Variants in C16orf87 observed in about 807,000 individuals in gnomAD.
C16orf87 encodes the protein UPF0547 protein C16orf87.
A neutral mutation model predicts 21.0 loss-of-function variants in C16orf87; 13 were observed. The ratio of observed to expected loss-of-function variants is 0.62; its 90% CI spans 0.40 to 0.98. The LOEUF is 0.98. C16orf87 is among the 50% of genes least tolerant of loss of function. C16orf87 has a pLI of 0.00. For missense variants in C16orf87, 113 were observed against 180.4 expected (o/e 0.63, Z 2.14); for synonymous variants, 49 against 60.2 (o/e 0.81, Z 0.86).
intron 2 of C16orf87, among the ~76,000 whole-genome samples, chr16:46,811,502 C>CAAAAAAAA (rs59450750): frequency 7.4e-6 from 1 of 134,910 alleles, no homozygotes. Context: ...AACTCCATCT[C>CAAAAAAAA]AAAAAAAAAA....
intron 2 of C16orf87, among the ~76,000 whole-genome samples, chr16:46,817,782 A>G (rs960212753): frequency 6.6e-6 from 1 of 152,096 alleles, no homozygotes; most frequent in African/African-American, 2.4e-5. Context: ...CCTAAAAACA[A>G]TCAGTCTTAA....
chr16:46,831,012 G>A (rs779888782), intron 1 of C16orf87, 72 bp downstream of exon 1: 88 of 1,261,244 alleles, frequency 7.0e-5, no homozygotes, highest in African/African-American at 2.0e-4. Context: ...GGAGCCCGGC[G>A]AGGCCCCCCT....
intron 2 of C16orf87, among the ~76,000 whole-genome samples, chr16:46,822,845 C>A (rs1050575685): frequency 3.9e-5 from 6 of 152,140 alleles, no homozygotes; most frequent in African/African-American, 1.2e-4. Context: ...CACCCCATCT[C>A]AGGGACAGTT....
At chr16:46,806,473 A>G (rs1596806179) in intron 3 of C16orf87, among the ~76,000 whole-genome samples, 1 of 151,822 alleles carries the variant, frequency 6.6e-6, no homozygotes, top group African/African-American at 2.4e-5. Context: ...GTTGGCCAGG[A>G]TGGTCTTGAT....
At chr16:46,822,100 G>T (rs1343213903) in intron 2 of C16orf87, among the ~76,000 whole-genome samples, 1 of 152,226 alleles carries the variant, frequency 6.6e-6, no homozygotes, top group East Asian at 1.9e-4. Context: ...ACCCAGGCTA[G>T]AATACAGTGG....
At position 46,803,009 on chromosome 16, in the gene C16orf87, A is replaced by G; in HGVS notation, c.408T>C (p.Phe136=). Reference sequence around the variant, plus strand: ...TATTTATTTCTGCCAAGGCGACTGAAAACACGAAAGCCTTTTCATCAGACA... The same window carrying G: ...TATTTATTTCTGCCAAGGCGACTGAGAACACGAAAGCCTTTTCATCAGACA... ...ANLSDEKAFV[F]SVALAEINRK... The change falls in exon 4 of 4, where the codon TTT becomes TTC. Residue 136 remains phenylalanine (F), a synonymous_variant. Coordinates refer to ENST00000285697, the MANE Select transcript of C16orf87 (RefSeq NM_001001436.4). The G allele has an allele frequency of 6.2e-7, 1 of 1,607,750 alleles. No homozygotes were observed. Among genetic ancestry groups the G allele is most frequent in the Non-Finnish European group, 8.5e-7 (1 of 1,175,410 alleles).
At position 46,824,399 on chromosome 16, in the gene C16orf87, T is replaced by G; in HGVS notation, c.150A>C (p.Ser50=). The G allele has an allele frequency of 6.7e-7, 1 of 1,483,130 alleles. No homozygotes were observed. The highest frequency in any genetic ancestry group is 1.8e-5 in the Admixed American group (1 of 56,714). 91.9% of individuals were successfully genotyped at this position (1,483,130 alleles called of 1,614,324 possible). A position where few individuals can be genotyped will look rare whatever the true frequency, so the allele number is the denominator to read the frequency against. ...ACTCACAGTTACCTGTAGAAGGTGG[T>G]GATTTCTCTGAGTGTTTTGCATTTA... ...KLLNAKHSEK[S]PPSTENKHEA... The change falls in exon 2 of 4, where the codon TCA becomes TCC. Residue 50 remains serine, a synonymous_variant. Transcript: ENST00000285697.
At position 46,828,031 on chromosome 16, in the gene C16orf87, T is replaced by G. The variant is rs1229383313; in HGVS notation, c.66+3053A>C. Among the ~76,000 whole-genome samples, 3 of 151,590 alleles carry G rather than the reference T, an allele frequency of 2.0e-5. No individual in the cohort carries two copies. The South Asian group carries it at 6.3e-4, about 32-fold the overall frequency. ...CTCACTGCAACCTCTGCCTCCCGGG[T>G]TCAATCACTTCTCCTGCCTCAGCCT... is the stretch of plus-strand genomic sequence containing the variant. On this transcript the variant is annotated intron_variant, in intron 1 of 3. Coordinates refer to ENST00000285697, the MANE Select transcript of C16orf87 (RefSeq NM_001001436.4).
At position 46,802,807 on chromosome 16, in the gene C16orf87, T is replaced by C; in HGVS notation, c.*145A>G. 1 of 595,596 alleles carries C rather than the reference T, an allele frequency of 1.7e-6. No individual in the cohort carries two copies. The highest frequency in any genetic ancestry group is 3.0e-6 in the Non-Finnish European group (1 of 328,502). 36.9% of individuals were successfully genotyped at this position (595,596 alleles called of 1,614,324 possible). A position where few individuals can be genotyped will look rare whatever the true frequency, so the allele number is the denominator to read the frequency against. On this transcript the variant is annotated 3_prime_UTR_variant, in exon 4 of 4. Coordinates refer to ENST00000285697, the MANE Select transcript of C16orf87 (RefSeq NM_001001436.4). ...AGCCTACACAGCTTTGCTCCCGAAG[T>C]GTGGCACAGGCTAAACGACAGGCGA... is the stretch of plus-strand genomic sequence containing the variant.
chr16:46,818,901 A>G (rs117939346), intron 2 of C16orf87, among the ~76,000 whole-genome samples: 2,576 of 152,346 alleles, frequency 0.017, 36 homozygotes, highest in Non-Finnish European at 0.024. Flanking sequence ...CACTTCAGCT[A>G]TAACAGGAAA....
chr16:46,804,528 G>A (rs1302516238), intron 3 of C16orf87, among the ~76,000 whole-genome samples: 1 of 152,162 alleles, frequency 6.6e-6, no homozygotes, highest in Non-Finnish European at 1.5e-5. Flanking sequence ...TTTCCGCTTA[G>A]AACTGTGAAG....
At chr16:46,823,522 G>C (rs915196005) in intron 2 of C16orf87, among the ~76,000 whole-genome samples, 1 of 152,094 alleles carries the variant, frequency 6.6e-6, no homozygotes, top group African/African-American at 2.4e-5. Flanking sequence ...AAAGCAACAA[G>C]TTCAAACAAA....
Position 46,796,910 on chromosome 16 carries a change from C to T in C16orf87, c.*6042G>A, listed in dbSNP as rs1307557876. 3 of 152,108 alleles carry T rather than the reference C, an allele frequency of 2.0e-5. No individual in the cohort carries two copies. The highest frequency in any genetic ancestry group is 7.2e-5 in the African/African-American group (3 of 41,414). The allele number at this position is 152,108 out of a possible 1,614,324, so 9.4% of individuals were successfully genotyped here. On this transcript the variant is annotated 3_prime_UTR_variant, in exon 4 of 4. Transcript: ENST00000285697. ...CCCAAAGAGAATAAATTCAAACACC[C>T]GGGCACATCATAATCAAACCAATAA... is the stretch of plus-strand genomic sequence containing the variant.
chr16:46,821,823 T>C (rs1959426175), intron 2 of C16orf87, among the ~76,000 whole-genome samples: 1 of 152,206 alleles, frequency 6.6e-6, no homozygotes, highest in Non-Finnish European at 1.5e-5. Flanking sequence ...AAGTTTTACC[T>C]GCAGCTGAGG....
rs754738913 is a variant in C16orf87 at position 46,831,137 on chromosome 16, G to T, written c.13C>A (p.Arg5=). ...GTGGCCATCTTCACTTTCTTGGCTC[G>T]AGTTGCAGACATGCTCCTCTCCCTT... The part of the protein sequence containing the change: MSAT[R]AKKVKMATKS... Residue 5 remains arginine, a synonymous_variant, in exon 1 of 4, where the codon CGA becomes AGA. Transcript: ENST00000285697. 1.3e-6 allele frequency: 2 copies of T among 1,576,702 alleles called. No homozygotes were observed. Among genetic ancestry groups the T allele is most frequent in the East Asian group, 4.8e-5 (2 of 41,414 alleles).
chr16:46,829,396 A>T (rs775649590), intron 1 of C16orf87, among the ~76,000 whole-genome samples: 1 of 152,208 alleles, frequency 6.6e-6, no homozygotes, highest in South Asian at 2.1e-4. Flanking sequence ...AGAAACTCCT[A>T]TAAGTTTATT....
At chr16:46,804,214 A>C (rs117201217) in intron 3 of C16orf87, among the ~76,000 whole-genome samples, 4 of 152,334 alleles carry the variant, frequency 2.6e-5, no homozygotes, top group Non-Finnish European at 5.9e-5. Flanking sequence ...AATCGCTCCA[A>C]GTCTTCCAAC....
rs1967617460 is a variant in C16orf87, at chr16:46,796,771, T to C, written c.*6181A>G. The C allele has an allele frequency of 6.6e-6, 1 of 152,188 alleles. No individual in the cohort carries two copies. Among genetic ancestry groups the C allele is most frequent in the Non-Finnish European group, 1.5e-5 (1 of 68,034 alleles). The allele number at this position is 152,188 out of a possible 1,614,324, so 9.4% of individuals were successfully genotyped here. ...AGATAATACCAAAGAGTCTAACACT[T>C]GCATCACTGGAGCCTAAGAGGGAGG... is the stretch of plus-strand genomic sequence containing the variant. On this transcript the variant is annotated 3_prime_UTR_variant, in exon 4 of 4. Coordinates refer to ENST00000285697, the MANE Select transcript of C16orf87 (RefSeq NM_001001436.4).
At chr16:46,824,507 T>C (rs1959541977) in intron 1 of C16orf87, 25 bp from the exon 2 acceptor site, 1 of 970,322 alleles carries the variant, frequency 1.0e-6, no homozygotes, top group Non-Finnish European at 1.6e-6. Context: ...GAAAAATATA[T>C]ATTATTACTA....
Sources: allele counts gnomAD v4.1 joint callset (sites outside exome capture counted in the v4.1 genomes callset), GRCh38; gene constraint gnomAD v4.1.1; transcripts MANE v1.5; gene names NCBI Gene and HGNC (gene_info 2026-07-23, HGNC 2026-07-21).